Variants in ANKRD11 observed in about 807,000 individuals in gnomAD.
ANKRD11 encodes the protein ankyrin repeat domain-containing protein 11.
In ANKRD11, 17 loss-of-function variants were observed where a neutral mutation model predicts 195.7. The ratio of observed to expected loss-of-function variants is 0.09; its 90% CI spans 0.06 to 0.13. The LOEUF (loss-of-function observed/expected upper bound fraction) is 0.13. Ranked by LOEUF, ANKRD11 falls within the 10% of genes least tolerant of loss-of-function variation. ANKRD11 has a pLI of 1.00. For missense variants in ANKRD11, 3,735 were observed against 3,566.1 expected (o/e 1.05, Z -1.21); for synonymous variants, 1,953 against 1,528.1 (o/e 1.28, Z -6.49).
Position 89,283,032 on chromosome 16 carries a change from C to T in ANKRD11, c.3510G>A (p.Lys1170=), listed in dbSNP as rs781264915. 2 of 1,613,864 alleles carry T rather than the reference C, an allele frequency of 1.2e-6. No individual in the cohort carries two copies. The highest frequency in any genetic ancestry group is 1.7e-6 in the Non-Finnish European group (2 of 1,180,024). Residue 1170 remains lysine (K), a synonymous_variant, in exon 9 of 13, where the codon AAG becomes AAA. Transcript: ENST00000301030. The surrounding 1 kb of genome is among the most constrained non-coding windows in gnomAD (Gnocchi z 4.3). ...ASDRHRKSSD[K]QHPERQKDKE... is the part of the protein sequence containing the mutation. ...TGTCCTTCTGCCTCTCAGGGTGCTG[C>T]TTGTCAGAAGACTTCCTGTGTCTGT... is the stretch of plus-strand genomic sequence containing the variant.
intron 2 of ANKRD11, among the ~76,000 whole-genome samples, chr16:89,402,680 C>T (rs1192466314): frequency 1.5e-5 from 1 of 65,638 alleles, no homozygotes; most frequent in Non-Finnish European, 3.1e-5. Flanking sequence ...GGTGGTTCTG[C>T]GGGAGGAGGT....
At position 89,280,716 on chromosome 16, in the gene ANKRD11, G is replaced by T. The variant is rs1264200642; in HGVS notation, c.5826C>A (p.Val1942=). 1.2e-6 allele frequency: 2 copies of T among 1,613,314 alleles called. No individual in the cohort carries two copies. The highest frequency in any genetic ancestry group is 1.7e-6 in the Non-Finnish European group (2 of 1,179,936). ...CCCACTCAACGGGCTCCTCGGTGAT[G>T]ACGGCGCTGAAGGGACCCTCGTCCA... The part of the protein sequence containing the change: ...EPLDEGPFSA[V]ITEEPVEWAH... Residue 1942 remains valine, a synonymous_variant, in exon 9 of 13, where the codon GTC becomes GTA. Transcript: ENST00000301030.
chr16:89,461,875 G>A (rs946951955), intron 1 of ANKRD11, among the ~76,000 whole-genome samples: 1 of 152,128 alleles, frequency 6.6e-6, no homozygotes, highest in African/African-American at 2.4e-5. Context: ...AGAATGTTCA[G>A]AAGACTCTGA....
intron 1 of ANKRD11, among the ~76,000 whole-genome samples, chr16:89,444,954 G>A (rs2043717120): frequency 4.6e-5 from 7 of 151,784 alleles, no homozygotes; most frequent in Admixed American, 3.3e-4. Context: ...CACAGGAGCA[G>A]GCAGGCTCCC....
intron 1 of ANKRD11, among the ~76,000 whole-genome samples, chr16:89,451,135 C>G (rs1017833307): frequency 6.6e-6 from 1 of 152,194 alleles, no homozygotes; most frequent in Non-Finnish European, 1.5e-5. Context: ...ACTTGGTCCT[C>G]TGTAGAAAAA....
intron 3 of ANKRD11, chr16:89,313,174 G>A: frequency 1.2e-6 from 1 of 860,260 alleles, no homozygotes; most frequent in Non-Finnish European, 1.6e-6. Context: ...GAACCACCAA[G>A]TGAAGCTCAG....
chr16:89,429,982 T>C (rs1239445001), intron 1 of ANKRD11, among the ~76,000 whole-genome samples: 2 of 114,544 alleles, frequency 1.7e-5, no homozygotes, highest in Non-Finnish European at 3.6e-5. Context: ...TTCTCAACTC[T>C]CACGCTCAGT....
At chr16:89,397,208 G>A (rs2041477091) in intron 2 of ANKRD11, among the ~76,000 whole-genome samples, 1 of 152,158 alleles carries the variant, frequency 6.6e-6, no homozygotes, top group Non-Finnish European at 1.5e-5. Flanking sequence ...ACAGTCCTGA[G>A]GATGAGGACC....
Position 89,280,531 on chromosome 16 carries a change from G to T in ANKRD11, c.6011C>A (p.Ala2004Asp). The stretch of plus-strand genomic sequence containing the variant: ...CTCCGAGGCGCTGAAGGGCCCTGGG[G>T]CGGCAGAGTGGAGGGGGTCCGCGGG... ...FCPADPLHSA[A>D]PGPFSASEAP... The change falls in exon 9 of 13, where the codon GCC (alanine) becomes GAC (aspartate). Residue 2004 changes from alanine to aspartate, a missense_variant. Ala to Asp is a moderately radical substitution (Grantham distance 126). Coordinates refer to ENST00000301030, the MANE Select transcript of ANKRD11 (RefSeq NM_013275.6). 1 of 1,612,204 alleles carries T rather than the reference G, an allele frequency of 6.2e-7. No homozygotes were observed. The highest frequency in any genetic ancestry group is 1.1e-5 in the South Asian group (1 of 91,036).
intron 2 of ANKRD11, among the ~76,000 whole-genome samples, chr16:89,337,729 T>C (rs2038447293): frequency 6.6e-6 from 1 of 152,164 alleles, no homozygotes; most frequent in African/African-American, 2.4e-5. Context: ...CGTAAGCCAC[T>C]GTGCCCGGCC....
At chr16:89,407,392 G>C (rs1472834486) in intron 2 of ANKRD11, among the ~76,000 whole-genome samples, 1 of 152,122 alleles carries the variant, frequency 6.6e-6, no homozygotes, top group Non-Finnish European at 1.5e-5. Context: ...AAAGCAGGAA[G>C]CCCCAGCAAC....
intron 2 of ANKRD11, among the ~76,000 whole-genome samples, chr16:89,317,419 A>G (rs2037031133): frequency 6.6e-6 from 1 of 152,200 alleles, no homozygotes; most frequent in African/African-American, 2.4e-5. Context: ...GCTACACCCA[A>G]AACGGTCAGG....
At chr16:89,452,671 G>C (rs533786730) in intron 1 of ANKRD11, among the ~76,000 whole-genome samples, 2 of 151,500 alleles carry the variant, frequency 1.3e-5, no homozygotes, top group Non-Finnish European at 2.9e-5. Context: ...CAGCTCAGGA[G>C]GCTGAGGCAG....
intron 9 of ANKRD11, among the ~76,000 whole-genome samples, chr16:89,275,432 G>C (rs1432955192): frequency 1.3e-5 from 2 of 152,228 alleles, no homozygotes; most frequent in Non-Finnish European, 1.5e-5. Context: ...AGGAGATAGT[G>C]CAGGGAGAGG....
intron 3 of ANKRD11, among the ~76,000 whole-genome samples, chr16:89,316,633 G>A (rs552265512): frequency 6.6e-6 from 1 of 152,380 alleles, no homozygotes; most frequent in African/African-American, 2.4e-5. Flanking sequence ...CAGGAGCCAG[G>A]ACAGAAATCC....
chr16:89,305,322 G>C lies in ANKRD11; in HGVS notation c.110C>G (p.Thr37Ser). The C allele has an allele frequency of 1.2e-6, 2 of 1,613,972 alleles. No individual in the cohort carries two copies. Among genetic ancestry groups the C allele is most frequent in the South Asian group, 1.1e-5 (1 of 91,090 alleles). ...GCCACGCTCCAGTTTTGGGGTCTTG[G>C]TTAGAGAAACTTTATCTTTATCCTA... is the stretch of plus-strand genomic sequence containing the variant. ...GKKDKDKVSL[T>S]KTPKLERGDG... Residue 37 changes from threonine (T) to serine (S), a missense_variant, in exon 4 of 13, where the codon ACC (threonine) becomes AGC (serine). Physicochemically the swap from Thr to Ser is moderately conservative, Grantham distance 58 (BLOSUM62 1). Transcript: ENST00000301030.
chr16:89,366,980 G>C (rs1358168944), intron 2 of ANKRD11, among the ~76,000 whole-genome samples: 4 of 152,226 alleles, frequency 2.6e-5, no homozygotes, highest in Non-Finnish European at 5.9e-5. Flanking sequence ...TAGGTCCGCT[G>C]ATTGTGGTTT....
Position 89,274,745 on chromosome 16 carries a change from C to T in ANKRD11, c.7713+69G>A. ...CTCCTGGTCAAAGTGCAGAATCTAT[C>T]AAGGGGAGGGGAGGCGGGCAGGGTG... On this transcript the variant is annotated intron_variant, in intron 11 of 12. Coordinates refer to ENST00000301030, the MANE Select transcript of ANKRD11 (RefSeq NM_013275.6). 2.5e-6 allele frequency: 4 copies of T among 1,596,752 alleles called. No individual in the cohort carries two copies. The South Asian group carries it at 3.3e-5, about 13-fold the overall frequency.
At chr16:89,474,161 C>A (rs1015610268) in intron 1 of ANKRD11, among the ~76,000 whole-genome samples, 1 of 152,162 alleles carries the variant, frequency 6.6e-6, no homozygotes, top group African/African-American at 2.4e-5. Flanking sequence ...CACCATCCCC[C>A]ACTCGAGCCT....
Sources: gnomAD v4.1 joint callset for allele counts (sites outside exome capture counted in the v4.1 genomes callset) on GRCh38, gnomAD v4.1.1 for gene constraint, Gnocchi (gnomAD v3.1) non-coding constraint, MANE v1.5 for transcripts, NCBI Gene and HGNC (gene_info 2026-07-23, HGNC 2026-07-21) for gene names.